Variants in BIRC6 observed in about 807,000 individuals in gnomAD.
BIRC6 encodes dual E2 ubiquitin-conjugating enzyme/E3 ubiquitin-protein ligase BIRC6.
Under a neutral mutation model 503.3 loss-of-function variants are expected in BIRC6, and 98 were observed. The observed-to-expected ratio is 0.19, with a 90% CI of 0.17 to 0.23. The LOEUF (loss-of-function observed/expected upper bound fraction) is 0.23. BIRC6 is among the 10% of genes least tolerant of loss of function. The pLI, the probability that BIRC6 is intolerant of heterozygous loss-of-function variation, is 1.00. For missense variants in BIRC6, 5,360 were observed against 5,806.0 expected, an observed-to-expected ratio of 0.92 and a Z score of 2.50; for synonymous variants, 2,240 against 2,078.7, an observed-to-expected ratio of 1.08 and a Z score of -2.11.
intron 73 of BIRC6, among the ~76,000 whole-genome samples, chr2:32,616,282 G>A (rs2063231995): frequency 6.6e-6 from 1 of 152,000 alleles, no homozygotes; most frequent in African/African-American, 2.4e-5. Context: ...GGGTGAATCT[G>A]GGTACAGATT....
chr2:32,508,698 G>T (rs1456709156), intron 51 of BIRC6, among the ~76,000 whole-genome samples: 1 of 151,978 alleles, frequency 6.6e-6, no homozygotes, highest in African/African-American at 2.4e-5. Context: ...AACTAACAAG[G>T]ACCCAAATAT....
At chr2:32,391,068 C>T (rs1459984678) in intron 4 of BIRC6, among the ~76,000 whole-genome samples, 2 of 152,198 alleles carry the variant, frequency 1.3e-5, no homozygotes, top group East Asian at 1.9e-4. Flanking sequence ...TGCTTCTTGT[C>T]TGAGATCTAT....
At chr2:32,371,170 G>A (rs13006955) in intron 1 of BIRC6, among the ~76,000 whole-genome samples, 4 of 123,786 alleles carry the variant, frequency 3.2e-5, no homozygotes, top group Non-Finnish European at 6.3e-5. Flanking sequence ...TTGAGATTGC[G>A]CCATTGCACC....
rs114640528 is a variant in BIRC6, at chr2:32,485,207, C to T, written c.7697-436C>T. 5.7e-3 allele frequency among the ~76,000 whole-genome samples: 860 copies of T among 152,196 alleles called. 14 individuals carry two copies. Among genetic ancestry groups the T allele is most frequent in the African/African-American group, 0.019 (805 of 41,504 alleles). On this transcript the variant is annotated intron_variant, in intron 39 of 73. Coordinates refer to ENST00000421745, the MANE Select transcript of BIRC6 (RefSeq NM_016252.4). ...GCTAGGGAGTATGTGTTTGTGTGTG[C>T]GTGTGAACACACACACTTGGCATCT...
At chr2:32,396,392 A>G (rs570350316) in intron 6 of BIRC6, among the ~76,000 whole-genome samples, 1 of 152,336 alleles carries the variant, frequency 6.6e-6, no homozygotes, top group South Asian at 2.1e-4. Context: ...CTTATTTTGT[A>G]TGAAAATTAG....
intron 15 of BIRC6, among the ~76,000 whole-genome samples, chr2:32,437,580 C>T (rs1254913712): frequency 1.3e-5 from 2 of 152,094 alleles, no homozygotes; most frequent in African/African-American, 4.8e-5. Context: ...TGCTTGGGAC[C>T]AGAAGTGTTT....
chr2:32,515,082 C>G lies in BIRC6; in HGVS notation c.10661C>G (p.Pro3554Arg), dbSNP rs1240001540. 6.2e-7 allele frequency: 1 copy of G among 1,613,924 alleles called. No individual in the cohort carries two copies. The highest frequency in any genetic ancestry group is 8.5e-7 in the Non-Finnish European group (1 of 1,179,870). ...SLLCSMCHVH[P>R]NYFSLLMGWM... ...CTTTGCTCAATGTGTCACGTACACC[C>G]AAACTATTTTTCTTTGCTCATGGGC... The change falls in exon 55 of 74, where the codon CCA becomes CGA. Residue 3554 changes from proline (P) to arginine (R), a missense_variant. Around this residue, in one of 16 missense-constraint regions of BIRC6, gnomAD observed 878 missense variants for 928.9 expected, o/e 0.95. Coordinates refer to ENST00000421745, the MANE Select transcript of BIRC6 (RefSeq NM_016252.4).
At chr2:32,416,584 A>G (rs1264058435) in intron 10 of BIRC6, among the ~76,000 whole-genome samples, 7 of 152,126 alleles carry the variant, frequency 4.6e-5, no homozygotes, top group Admixed American at 4.6e-4. Flanking sequence ...TGGCACAGTT[A>G]TTGGTCCTTA....
rs1558909563 is a variant in BIRC6, at chr2:32,503,107, A to G, written c.9370A>G (p.Ser3124Gly). The G allele has an allele frequency of 6.2e-7, 1 of 1,611,320 alleles. No homozygotes were observed. Among genetic ancestry groups the G allele is most frequent in the Non-Finnish European group, 8.5e-7 (1 of 1,178,610 alleles). Reference sequence around the variant, plus strand: ...AAGGGCTATTGTGAACACTGCAAGAAGTATGGTATCAACTATTATGAAATT... The same window carrying G: ...AAGGGCTATTGTGAACACTGCAAGAGGTATGGTATCAACTATTATGAAATT... ...STRAIVNTAR[S>G]MVSTIMKFLD... Residue 3124 changes from serine to glycine, a missense_variant, in exon 49 of 74, where the codon AGT becomes GGT. By Grantham distance (56) the Ser-to-Gly change is moderately conservative. Transcript: ENST00000421745.
intron 15 of BIRC6, among the ~76,000 whole-genome samples, chr2:32,436,693 C>T (rs1247952535): frequency 2.0e-5 from 3 of 151,924 alleles, no homozygotes; most frequent in Admixed American, 6.6e-5. Flanking sequence ...GATTCTCTTG[C>T]CTCAGCCTCC....
intron 27 of BIRC6, 79 bp from the exon 28 acceptor site, chr2:32,467,824 A>C: frequency 7.0e-7 from 1 of 1,431,748 alleles, no homozygotes; most frequent in East Asian, 2.5e-5. Context: ...AAAAAATATA[A>C]CTATCTTTTT....
At chr2:32,503,512 C>T (rs1444540948) in intron 49 of BIRC6, among the ~76,000 whole-genome samples, 1 of 152,120 alleles carries the variant, frequency 6.6e-6, no homozygotes, top group Non-Finnish European at 1.5e-5. Flanking sequence ...CAACCTCTGC[C>T]TCCTGGGTTC....
In BIRC6 at chr2:32,481,430, C is replaced by T. The variant is rs763185441; in HGVS notation, c.7519C>T (p.Pro2507Ser). ...DPLDIDLEKDPLAAKVFKPIS... is the reference protein window; with the variant it reads ...DPLDIDLEKDSLAAKVFKPIS... ...TTTAGATATTGATTTGGAAAAGGAC[C>T]CTCTTGCAGCCAAGGTTTTTAAGGT... The change falls in exon 38 of 74, where the codon CCT becomes TCT. Residue 2507 changes from proline (P) to serine (S), a missense_variant. Physicochemically the swap from Pro to Ser is moderately conservative, Grantham distance 74. Around this residue, in one of 16 missense-constraint regions of BIRC6, gnomAD observed 2,299 missense variants for 2,267.2 expected, o/e 1.01. Coordinates refer to ENST00000421745, the MANE Select transcript of BIRC6 (RefSeq NM_016252.4). The T allele has an allele frequency of 9.9e-6, 16 of 1,610,756 alleles. No individual in the cohort carries two copies. The highest frequency in any genetic ancestry group is 1.7e-5 in the Admixed American group (1 of 59,558).
intron 5 of BIRC6, among the ~76,000 whole-genome samples, chr2:32,394,096 A>C (rs537827507): frequency 2.6e-5 from 4 of 151,532 alleles, no homozygotes; most frequent in African/African-American, 7.3e-5. Context: ...TTTTCTAGCA[A>C]CTTGTCTTTC....
At chr2:32,585,919 A>T (rs2060991335) in intron 66 of BIRC6, among the ~76,000 whole-genome samples, 1 of 152,226 alleles carries the variant, frequency 6.6e-6, no homozygotes, top group South Asian at 2.1e-4. Context: ...GCAAGAAAGT[A>T]TGTACTATTC....
At position 32,501,906 on chromosome 2, in the gene BIRC6, A is replaced by G; in HGVS notation, c.9207+18A>G. On this transcript the variant is annotated intron_variant, in intron 47 of 73. Coordinates refer to ENST00000421745, the MANE Select transcript of BIRC6 (RefSeq NM_016252.4). The stretch of plus-strand genomic sequence containing the variant: ...GCAGACAAGTAAGTTCAAGCCAACA[A>G]CAGTTGCAGTGATTCAAATAAATTT... The G allele has an allele frequency of 1.3e-6, 2 of 1,576,730 alleles. No individual in the cohort carries two copies. The highest frequency in any genetic ancestry group is 1.7e-6 in the Non-Finnish European group (2 of 1,165,448).
At chr2:32,432,247 C>G (rs1373222549) in intron 12 of BIRC6, among the ~76,000 whole-genome samples, 1 of 152,110 alleles carries the variant, frequency 6.6e-6, no homozygotes. Context: ...GAAACGCTGT[C>G]TCTACTAAAA....
rs766224971 is a variant in BIRC6 at position 32,448,808 on chromosome 2, A to C, written c.4498A>C (p.Ser1500Arg). 3 of 1,609,394 alleles carry C rather than the reference A, an allele frequency of 1.9e-6. No homozygotes were observed. In the Admixed American group the frequency reaches 5.1e-5, roughly 27 times the overall value. The change falls in exon 22 of 74, where the codon AGC becomes CGC. Residue 1500 changes from serine to arginine, a missense_variant. Coordinates refer to ENST00000421745, the MANE Select transcript of BIRC6 (RefSeq NM_016252.4). ...TTTATTTTTCAGATATGGATTATAT[A>C]GCTCACCATTTGATCCAGTCCTCTT... ...ALLQTRYGLY[S>R]SPFDPVLFDL... is the part of the protein sequence containing the mutation.
Position 32,607,574 on chromosome 2 carries a change from C to T in BIRC6, c.14190C>T (p.Asn4730=). The T allele has an allele frequency of 6.2e-7, 1 of 1,613,810 alleles. No homozygotes were observed. The highest frequency in any genetic ancestry group is 8.5e-7 in the Non-Finnish European group (1 of 1,179,776). ...AGAGTTCTCGAGAATATGATGGAAA[C>T]ATTCGACAAGCAACAGTTAAGTGGG... ...GTQSSREYDG[N]IRQATVKWAM... Residue 4730 remains asparagine, a synonymous_variant, in exon 72 of 74, where the codon AAC becomes AAT. Coordinates refer to ENST00000421745, the MANE Select transcript of BIRC6 (RefSeq NM_016252.4).
Sources: allele counts gnomAD v4.1 joint callset (sites outside exome capture counted in the v4.1 genomes callset), GRCh38; gene constraint gnomAD v4.1.1; regional missense constraint gnomAD v4.1.1; transcripts MANE v1.5; gene names NCBI Gene and HGNC (gene_info 2026-07-23, HGNC 2026-07-21).